IFNLR1: variants seen among roughly 807,000 people sequenced by gnomAD.
The protein encoded by IFNLR1 is interferon lambda receptor 1, also known as CRF2-12.
Under a neutral mutation model 52.5 loss-of-function variants are expected in IFNLR1, and 28 were observed. The observed-to-expected ratio is 0.53, with a 90% CI of 0.40 to 0.73. IFNLR1 has a LOEUF of 0.73. Among genes scored for constraint, IFNLR1 ranks in the 30% least tolerant of loss-of-function variants. The pLI is 0.00. For missense variants in IFNLR1, 623 were observed against 659.1 expected (o/e 0.95, Z 0.60); for synonymous variants, 276 against 274.9 (o/e 1.00, Z -0.04).
intron 3 of IFNLR1, among the ~76,000 whole-genome samples, chr1:24,162,211 CT>C (rs1184312822): frequency 6.6e-6 from 1 of 152,188 alleles, no homozygotes; most frequent in African/African-American, 2.4e-5. Flanking sequence ...AAACTTAGTT[CT>C]TTGTGGCTGT....
At chr1:24,175,910 G>A (rs1382453601) in intron 2 of IFNLR1, among the ~76,000 whole-genome samples, 1 of 151,366 alleles carries the variant, frequency 6.6e-6, no homozygotes, top group South Asian at 2.1e-4. Context: ...CTCCAGCTTG[G>A]GCAACAAGAG....
chr1:24,167,795 C>G (rs764127607), intron 3 of IFNLR1, among the ~76,000 whole-genome samples: 1 of 152,076 alleles, frequency 6.6e-6, no homozygotes, highest in Non-Finnish European at 1.5e-5. Context: ...CCTGGGTTCA[C>G]GCCATCCTCC....
intron 2 of IFNLR1, 50 bp downstream of exon 2, chr1:24,180,672 TCCAGCCCCC>T: frequency 2.3e-6 from 1 of 432,142 alleles, no homozygotes; most frequent in Non-Finnish European, 4.4e-6. Context: ...GAGAAGCCCC[TCCAGCCCCC>T]ACCCACCCCC....
At chr1:24,168,506 C>T (rs1056389717) in intron 3 of IFNLR1, among the ~76,000 whole-genome samples, 22 of 151,814 alleles carry the variant, frequency 1.4e-4, no homozygotes, top group African/African-American at 4.8e-4. Context: ...TGGTTACTAG[C>T]GGTATCAAGT....
chr1:24,171,714 T>C (rs913916167), intron 2 of IFNLR1, among the ~76,000 whole-genome samples: 31 of 152,008 alleles, frequency 2.0e-4, no homozygotes, highest in Admixed American at 1.8e-3. Context: ...TGGAGTGCAG[T>C]GGTGCAATCT....
chr1:24,180,296 CAAAAA>C (rs5773074), intron 2 of IFNLR1, among the ~76,000 whole-genome samples: 1 of 128,204 alleles, frequency 7.8e-6, no homozygotes, highest in Non-Finnish European at 1.6e-5. Context: ...GACTCTGTCT[CAAAAA>C]AAAAAAAAAA....
At chr1:24,166,497 C>T (rs1181871684) in intron 3 of IFNLR1, among the ~76,000 whole-genome samples, 1 of 141,782 alleles carries the variant, frequency 7.1e-6, no homozygotes, top group Non-Finnish European at 1.5e-5. Context: ...TACTATCTAC[C>T]CACCCATCTC....
chr1:24,158,002 C>T (rs1018436268), intron 6 of IFNLR1, 111 bp from the exon 7 acceptor site: 3 of 1,071,594 alleles, frequency 2.8e-6, no homozygotes, highest in Admixed American at 2.6e-5. Flanking sequence ...CAAGTGTAAG[C>T]AGTTTCTTTG....
At chr1:24,178,983 C>T (rs1041925580) in intron 2 of IFNLR1, among the ~76,000 whole-genome samples, 5 of 152,078 alleles carry the variant, frequency 3.3e-5, no homozygotes, top group African/African-American at 1.2e-4. Context: ...CTCTGTTGTT[C>T]AGGTTGGAGT....
chr1:24,179,853 T>A (rs1644670965), intron 2 of IFNLR1, among the ~76,000 whole-genome samples: 1 of 152,186 alleles, frequency 6.6e-6, no homozygotes, highest in Non-Finnish European at 1.5e-5. Flanking sequence ...CTCCCGAGCT[T>A]CTGCTTCTAT....
intron 3 of IFNLR1, among the ~76,000 whole-genome samples, chr1:24,161,901 A>G (rs1268724317): frequency 6.6e-6 from 1 of 152,224 alleles, no homozygotes; most frequent in African/African-American, 2.4e-5. Flanking sequence ...ACTGAGGCTT[A>G]GAGAGGAGAG....
At chr1:24,173,529 A>G (rs1445528738) in intron 2 of IFNLR1, among the ~76,000 whole-genome samples, 1 of 152,190 alleles carries the variant, frequency 6.6e-6, no homozygotes, top group Non-Finnish European at 1.5e-5. Flanking sequence ...ACAGCTCGAC[A>G]GTTCCCTGTA....
intron 2 of IFNLR1, among the ~76,000 whole-genome samples, chr1:24,176,484 C>A (rs570327691): frequency 6.6e-6 from 1 of 152,218 alleles, no homozygotes; most frequent in Non-Finnish European, 1.5e-5. Context: ...ATTCTATATA[C>A]ATTTTAACTC....
rs141607428 is a variant in IFNLR1 at position 24,166,716 on chromosome 1, T to TA, written c.367+2700dup. 8.5e-3 allele frequency among the ~76,000 whole-genome samples: 1,179 copies of TA among 138,846 alleles called. 9 individuals are homozygous for TA. The highest frequency in any genetic ancestry group is 0.019 in the African/African-American group (740 of 38,584). 91.1% of individuals were successfully genotyped at this position (138,846 alleles called of 152,430 possible). A position where few individuals can be genotyped will look rare whatever the true frequency, so the allele number is the denominator to read the frequency against. On this transcript the variant is annotated intron_variant, in intron 3 of 6. Transcript: ENST00000327535. Reference sequence around the variant, plus strand: ...TGCCCACCACCGTACCCAGCGAATTTAATTTTTTTTTTTTTTTGTAGAGAC... The same window carrying TA: ...TGCCCACCACCGTACCCAGCGAATTTAAATTTTTTTTTTTTTTTGTAGAGAC...
chr1:24,163,322 C>CGTT (rs1644484619), intron 3 of IFNLR1, among the ~76,000 whole-genome samples: 1 of 152,086 alleles, frequency 6.6e-6, no homozygotes, highest in African/African-American at 2.4e-5. Flanking sequence ...ATGGGGGCAG[C>CGTT]GTTCTTAAGG....
intron 4 of IFNLR1, among the ~76,000 whole-genome samples, chr1:24,161,195 A>G (rs1314345231): frequency 1.3e-5 from 2 of 152,230 alleles, no homozygotes; most frequent in Admixed American, 6.5e-5. Context: ...AGCCCTTGCC[A>G]TAAATAAATG....
intron 4 of IFNLR1, chr1:24,161,273 T>A: frequency 3.5e-6 from 2 of 579,050 alleles, no homozygotes; most frequent in East Asian, 5.8e-5. Flanking sequence ...TGATGTGTGG[T>A]CATCTCTGGG....
At chr1:24,163,377 T>C (rs1344892807) in intron 3 of IFNLR1, among the ~76,000 whole-genome samples, 1 of 152,172 alleles carries the variant, frequency 6.6e-6, no homozygotes, top group African/African-American at 2.4e-5. Context: ...GCAATCACAA[T>C]GATGATTAAA....
At chr1:24,163,582 T>TG (rs141782095) in intron 3 of IFNLR1, among the ~76,000 whole-genome samples, 3 of 144,870 alleles carry the variant, frequency 2.1e-5, no homozygotes, top group Non-Finnish European at 4.5e-5. Context: ...TCTCTTTCTT[T>TG]TTTCTTTTTT....
Sources: gnomAD v4.1 joint callset for allele counts (sites outside exome capture counted in the v4.1 genomes callset) on GRCh38, gnomAD v4.1.1 for gene constraint, MANE v1.5 for transcripts, NCBI Gene and HGNC (gene_info 2026-07-23, HGNC 2026-07-21) for gene names.